CCDC141: variants seen among roughly 807,000 people sequenced by gnomAD.
The protein encoded by CCDC141 is coiled-coil domain-containing protein 141.
A neutral mutation model predicts 181.0 loss-of-function variants in CCDC141; 168 were observed. The ratio of observed to expected loss-of-function variants is 0.93; its 90% CI spans 0.82 to 1.05. The LOEUF (loss-of-function observed/expected upper bound fraction) is 1.05, where lower values mean the gene tolerates loss of function less well. Ranked by LOEUF, CCDC141 falls within the 50% of genes least tolerant of loss-of-function variation. CCDC141 has a pLI of 0.00. For missense variants in CCDC141, 1,902 were observed against 1,788.5 expected (o/e 1.06, Z -1.14); for synonymous variants, 666 against 642.3 (o/e 1.04, Z -0.56).
At chr2:178,906,769 C>T (rs1023195945) in intron 7 of CCDC141, among the ~76,000 whole-genome samples, 11 of 152,126 alleles carry the variant, frequency 7.2e-5, no homozygotes, top group Admixed American at 6.5e-4. Flanking sequence ...GAGTCCAGTA[C>T]CACTAAGACC....
chr2:178,968,492 G>A (rs1690735087), intron 4 of CCDC141, among the ~76,000 whole-genome samples: 1 of 152,086 alleles, frequency 6.6e-6, no homozygotes, highest in Non-Finnish European at 1.5e-5. Flanking sequence ...TGACTACTGG[G>A]TAAATAAGGA....
the CCDC141 span, among the ~76,000 whole-genome samples, chr2:178,824,597 C>T: frequency 7.9e-5 from 9 of 114,446 alleles, no homozygotes; most frequent in Non-Finnish European, 1.3e-4. Flanking sequence ...CCAGCCTGGG[C>T]GACAAGAGTG....
intron 4 of CCDC141, among the ~76,000 whole-genome samples, chr2:178,964,916 T>G (rs944356416): frequency 3.9e-5 from 6 of 152,224 alleles, no homozygotes; most frequent in African/African-American, 1.4e-4. Context: ...TTTTCATTAA[T>G]TGTTTTGATT....
chr2:178,946,260 A>G (rs951146171), intron 5 of CCDC141, among the ~76,000 whole-genome samples: 7 of 152,150 alleles, frequency 4.6e-5, no homozygotes, highest in Non-Finnish European at 1.0e-4. Flanking sequence ...CTGGTATCCA[A>G]TTAGAGCTAG....
In CCDC141 at chr2:178,845,480, G is replaced by C. The variant is rs892735248; in HGVS notation, c.3474+146C>G. The stretch of plus-strand genomic sequence containing the variant: ...AATAGAGGAGCAAAAGGAAGCAAGG[G>C]AGGAGGAAACTCACATTGCATTTAC... On this transcript the variant is annotated intron_variant, in intron 22 of 23. Coordinates refer to ENST00000443758, the MANE Select transcript of CCDC141 (RefSeq NM_173648.4). The C allele has an allele frequency of 6.7e-6, 4 of 600,144 alleles. No individual in the cohort carries two copies. In the African/African-American group the frequency reaches 7.4e-5, roughly 11 times the overall value. 37.2% of individuals were successfully genotyped at this position (600,144 alleles called of 1,614,324 possible).
intron 2 of CCDC141, among the ~76,000 whole-genome samples, chr2:178,979,105 C>T (rs1196528604): frequency 1.3e-5 from 2 of 152,110 alleles, no homozygotes; most frequent in African/African-American, 2.4e-5. Context: ...GTTAATATGA[C>T]CGTGACGATT....
chr2:178,981,671 C>CACATAT (rs1553495391), intron 2 of CCDC141, among the ~76,000 whole-genome samples: 8 of 111,778 alleles, frequency 7.2e-5, no homozygotes, highest in Non-Finnish European at 1.1e-4. Context: ...TACATATATA[C>CACATAT]ATATATATAT....
intron 5 of CCDC141, among the ~76,000 whole-genome samples, chr2:178,957,497 A>G (rs1360503544): frequency 6.6e-6 from 1 of 152,224 alleles, no homozygotes; most frequent in Non-Finnish European, 1.5e-5. Context: ...GCTGCTTTGA[A>G]AAATAGTTTA....
At chr2:178,937,056 T>A (rs1312549296) in intron 6 of CCDC141, among the ~76,000 whole-genome samples, 3 of 152,200 alleles carry the variant, frequency 2.0e-5, no homozygotes, top group African/African-American at 7.2e-5. Flanking sequence ...TTTGACTTCC[T>A]CTCTTCCTAT....
At chr2:178,878,364 C>T (rs1228919103) in intron 11 of CCDC141, among the ~76,000 whole-genome samples, 1 of 151,318 alleles carries the variant, frequency 6.6e-6, no homozygotes, top group Non-Finnish European at 1.5e-5. Context: ...AGTGGCACCA[C>T]CATAGCGCAC....
chr2:179,017,814 T>C (rs912659752), intron 2 of CCDC141, among the ~76,000 whole-genome samples: 1 of 152,102 alleles, frequency 6.6e-6, no homozygotes, highest in Non-Finnish European at 1.5e-5. Flanking sequence ...CAGTTTACAG[T>C]GTAAGCAGAC....
intron 2 of CCDC141, among the ~76,000 whole-genome samples, chr2:179,022,824 A>G (rs1168944703): frequency 6.6e-6 from 1 of 152,178 alleles, no homozygotes; most frequent in Non-Finnish European, 1.5e-5. Flanking sequence ...CACAGTAGAC[A>G]GGGAAGCTAG....
At position 178,868,270 on chromosome 2, in the gene CCDC141, A is replaced by T. The variant is rs10165253; in HGVS notation, c.2395-65T>A. On this transcript the variant is annotated intron_variant, in intron 15 of 23. Transcript: ENST00000443758. ...TGAAGACAAATTTTTTTTTAAGCCTAATTTCTATAGCACATTTTGCTAGCT... is the reference window on the plus strand; with the variant it reads ...TGAAGACAAATTTTTTTTTAAGCCTTATTTCTATAGCACATTTTGCTAGCT... 0.3 allele frequency: 418,973 copies of T among 1,407,976 alleles called. 72,144 individuals carry two copies. Among genetic ancestry groups the T allele is most frequent in the East Asian group, 0.74 (31,997 of 43,090 alleles). 87.2% of individuals were successfully genotyped at this position (1,407,976 alleles called of 1,614,324 possible). A position where few individuals can be genotyped will look rare whatever the true frequency, so the allele number is the denominator to read the frequency against.
chr2:178,937,608 C>T (rs1250475209), intron 6 of CCDC141, among the ~76,000 whole-genome samples: 1 of 151,926 alleles, frequency 6.6e-6, no homozygotes, highest in South Asian at 2.1e-4. Flanking sequence ...GGGGAGGAGT[C>T]CTTCCTCCTC....
intron 14 of CCDC141, 45 bp from the exon 15 acceptor site, chr2:178,869,350 T>A (rs775579092): frequency 2.1e-6 from 3 of 1,424,178 alleles, no homozygotes; most frequent in Admixed American, 2.3e-5. Context: ...TTAAAGAACT[T>A]TTTTACTTTA....
intron 2 of CCDC141, among the ~76,000 whole-genome samples, chr2:178,999,734 C>G (rs1255331419): frequency 2.0e-5 from 3 of 151,664 alleles, no homozygotes; most frequent in South Asian, 2.1e-4. Context: ...CCTAGAATAC[C>G]CTTCCTTTTG....
the CCDC141 span, among the ~76,000 whole-genome samples, chr2:178,815,597 AG>A: frequency 6.6e-6 from 1 of 152,184 alleles, no homozygotes. Context: ...GATTGGCTCC[AG>A]GACCCCCTAA....
At chr2:178,885,770 T>C (rs918504067) in intron 10 of CCDC141, among the ~76,000 whole-genome samples, 18 of 152,222 alleles carry the variant, frequency 1.2e-4, no homozygotes, top group Non-Finnish European at 8.8e-5. Context: ...TAAAATTTCA[T>C]TGAGACCAAC....
chr2:178,873,755 G>T (rs2154369415), intron 12 of CCDC141: 1 of 152,330 alleles, frequency 6.6e-6, no homozygotes, highest in South Asian at 2.1e-4. Flanking sequence ...TTTTACTTCT[G>T]TGTAGGACAT....
Sources: gnomAD v4.1 joint callset for allele counts (sites outside exome capture counted in the v4.1 genomes callset) on GRCh38, gnomAD v4.1.1 for gene constraint, MANE v1.5 for transcripts, NCBI Gene and HGNC (gene_info 2026-07-23, HGNC 2026-07-21) for gene names.